Variants in SLC1A1 observed in about 807,000 individuals in gnomAD.
SLC1A1 encodes excitatory amino acid transporter 3.
A neutral mutation model predicts 53.3 loss-of-function variants in SLC1A1; 43 were observed. That is an observed-to-expected ratio of 0.81 (90% CI 0.63 to 1.04). The LOEUF (loss-of-function observed/expected upper bound fraction) is 1.04. Among genes scored for constraint, SLC1A1 ranks in the 50% least tolerant of loss-of-function variants. SLC1A1 has a pLI of 0.00. For missense variants in SLC1A1, 748 were observed against 664.9 expected, an observed-to-expected ratio of 1.12 and a Z score of -1.37; for synonymous variants, 307 against 243.2, an observed-to-expected ratio of 1.26 and a Z score of -2.44.
At chr9:4,580,601 ATGTGTGTGTGTGTGTGTGTG>A (rs71326118) in intron 10 of SLC1A1, among the ~76,000 whole-genome samples, 2 of 69,692 alleles carry the variant, frequency 2.9e-5, no homozygotes, top group Middle Eastern at 8.2e-3. Flanking sequence ...AAAAATATAT[ATGTGTGTGTGTGTGTGTGTG>A]TGTGTGTGTG....
rs1820203209 is a variant in SLC1A1 at position 4,490,753 on chromosome 9, T to A, written c.74T>A (p.Val25Glu). Reference protein sequence around the residue: ...LKNNWVLLSTVAAVVLGITTG... With the variant: ...LKNNWVLLSTEAAVVLGITTG... ...AATAACTGGGTGTTGCTGTCCACCG[T>A]GGCCGCGGTGGTGCTAGGTGAGCGG... The change falls in exon 1 of 12, where the codon GTG becomes GAG. Residue 25 changes from valine to glutamate, a missense_variant. Transcript: ENST00000262352. 6.2e-7 allele frequency: 1 copy of A among 1,612,060 alleles called. No individual in the cohort carries two copies. The highest frequency in any genetic ancestry group is 1.7e-5 in the Admixed American group (1 of 59,930).
Position 4,551,982 on chromosome 9 carries a change from A to T in SLC1A1, c.232+7275A>T, listed in dbSNP as rs908408077. ...TGCAAGTAATAAAATGAATAGTGGCAAGAGATAAATATGCCCTGCTTTAGT... is the reference window on the plus strand; with the variant it reads ...TGCAAGTAATAAAATGAATAGTGGCTAGAGATAAATATGCCCTGCTTTAGT... On this transcript the variant is annotated intron_variant, in intron 2 of 11. Coordinates refer to ENST00000262352, the MANE Select transcript of SLC1A1 (RefSeq NM_004170.6). Among the ~76,000 whole-genome samples the T allele has an allele frequency of 3.3e-5, 5 of 152,250 alleles. No homozygotes were observed. The East Asian group carries it at 9.6e-4, about 29-fold the overall frequency.
At chr9:4,544,992 T>G (rs1817349316) in intron 2 of SLC1A1, among the ~76,000 whole-genome samples, 1 of 152,158 alleles carries the variant, frequency 6.6e-6, no homozygotes, top group Non-Finnish European at 1.5e-5. Context: ...GAGAACAGCA[T>G]GGGAGAAACT....
rs1343228221 is a variant in SLC1A1 at position 4,549,960 on chromosome 9, C to G, written c.232+5253C>G. Among the ~76,000 whole-genome samples, 1 of 152,134 alleles carries G rather than the reference C, an allele frequency of 6.6e-6. No homozygotes were observed. The highest frequency in any genetic ancestry group is 2.4e-5 in the African/African-American group (1 of 41,428). ...GCTCTGGATTTCCTAAAAACGCCTG[C>G]TCAAACAAGGGCACACACAGCTCCT... On this transcript the variant is annotated intron_variant, in intron 2 of 11. Coordinates refer to ENST00000262352, the MANE Select transcript of SLC1A1 (RefSeq NM_004170.6). The surrounding 1 kb of genome is among the most constrained non-coding windows in gnomAD (Gnocchi z 4.1).
intron 2 of SLC1A1, among the ~76,000 whole-genome samples, chr9:4,557,123 G>A (rs1818470601): frequency 6.6e-6 from 1 of 152,200 alleles, no homozygotes; most frequent in South Asian, 2.1e-4. Flanking sequence ...GGGGTCATTT[G>A]TAAGCAGACG....
intron 1 of SLC1A1, among the ~76,000 whole-genome samples, chr9:4,519,189 G>A (rs1327203027): frequency 6.6e-6 from 1 of 152,162 alleles, no homozygotes; most frequent in Non-Finnish European, 1.5e-5. Flanking sequence ...TGTGTCTTTA[G>A]GCCTCTAAAT....
At chr9:4,557,191 C>T (rs181378635) in intron 2 of SLC1A1, among the ~76,000 whole-genome samples, 15 of 152,264 alleles carry the variant, frequency 9.9e-5, no homozygotes, top group Admixed American at 6.5e-4. Context: ...TACAAACATT[C>T]GTAGAGCACC....
At position 4,564,437 on chromosome 9, in the gene SLC1A1, A is replaced by T. The variant is rs1202566843; in HGVS notation, c.419A>T (p.Asp140Val). The change falls in exon 4 of 12, where the codon GAT (aspartate) becomes GTT (valine). Residue 140 changes from aspartate to valine, a missense_variant. Physicochemically the swap from Asp to Val is radical, Grantham distance 152 (BLOSUM62 -3). Transcript: ENST00000262352. ...AGCACCCCTGAAGTCAGTACGGTGG[A>T]TGCCATGTTAGATCTCATCAGGTGA... ...TGSTPEVSTV[D>V]AMLDLIRNMF... The T allele has an allele frequency of 6.2e-7, 1 of 1,611,722 alleles. No individual in the cohort carries two copies. The highest frequency in any genetic ancestry group is 1.7e-5 in the Admixed American group (1 of 59,912).
At chr9:4,536,817 G>T (rs1412989358) in intron 1 of SLC1A1, among the ~76,000 whole-genome samples, 1 of 151,908 alleles carries the variant, frequency 6.6e-6, no homozygotes, top group Non-Finnish European at 1.5e-5. Flanking sequence ...TGATAGACTG[G>T]ATTAAGAAAA....
chr9:4,573,780 A>G (rs1345641950), intron 7 of SLC1A1, 127 bp from the exon 8 acceptor site: 1 of 766,546 alleles, frequency 1.3e-6, no homozygotes, highest in Non-Finnish European at 2.4e-6. Context: ...TTCAATTCCC[A>G]TCCTGTGCTC....
At chr9:4,568,230 C>T (rs751016564) in intron 6 of SLC1A1, among the ~76,000 whole-genome samples, 2 of 151,856 alleles carry the variant, frequency 1.3e-5, no homozygotes, top group South Asian at 4.2e-4. Context: ...GACCAGTCTG[C>T]GCAACATAGT....
chr9:4,517,215 G>A (rs1284558010), intron 1 of SLC1A1, among the ~76,000 whole-genome samples: 11 of 151,990 alleles, frequency 7.2e-5, no homozygotes, highest in Admixed American at 6.6e-4. Context: ...AATAGTCCCC[G>A]CCTAGTGAAT....
chr9:4,542,695 T>TA (rs1320598992), intron 1 of SLC1A1, among the ~76,000 whole-genome samples: 2 of 152,202 alleles, frequency 1.3e-5, no homozygotes, highest in African/African-American at 4.8e-5. Flanking sequence ...ATAATATAGG[T>TA]ATGTTCATAT....
intron 6 of SLC1A1, 42 bp downstream of exon 6, chr9:4,567,809 C>T: frequency 3.3e-6 from 4 of 1,203,694 alleles, no homozygotes; most frequent in Non-Finnish European, 4.9e-6. Context: ...AGGAGACAGG[C>T]ACTGAGTCAT....
rs550585880 is a variant in SLC1A1, at chr9:4,583,613, G to A, written c.1328+441G>A. ...CACAAGCACTTGGGTTTGAATCTCCGTCCTGTGTCTTACCAGCTTCTTGAC... is the reference window on the plus strand; with the variant it reads ...CACAAGCACTTGGGTTTGAATCTCCATCCTGTGTCTTACCAGCTTCTTGAC... On this transcript the variant is annotated intron_variant, in intron 11 of 11. Transcript: ENST00000262352. The surrounding 1 kb of genome is among the most constrained non-coding windows in gnomAD (Gnocchi z 4.6). 7.9e-5 allele frequency among the ~76,000 whole-genome samples: 12 copies of A among 152,208 alleles called. No homozygotes were observed. In the East Asian group the frequency reaches 1.9e-3, roughly 24 times the overall value.
chr9:4,544,272 T>C (rs954638419), intron 1 of SLC1A1, among the ~76,000 whole-genome samples: 2 of 152,212 alleles, frequency 1.3e-5, no homozygotes, highest in African/African-American at 4.8e-5. Context: ...GATGATTTTT[T>C]TTCTCACAGT....
intron 1 of SLC1A1, among the ~76,000 whole-genome samples, chr9:4,513,575 C>T (rs982395137): frequency 6.6e-6 from 1 of 152,118 alleles, no homozygotes; most frequent in African/African-American, 2.4e-5. Flanking sequence ...TGTGGAGCAA[C>T]TGGTACTATT....
At position 4,544,604 on chromosome 9, in the gene SLC1A1, C is replaced by G. The variant is rs747201802; in HGVS notation, c.129C>G (p.Asn43Lys). The change falls in exon 2 of 12, where the codon AAC (asparagine) becomes AAG (lysine). Residue 43 changes from asparagine to lysine, a missense_variant. Asn to Lys is a moderately conservative substitution (Grantham distance 94). Coordinates refer to ENST00000262352, the MANE Select transcript of SLC1A1 (RefSeq NM_004170.6). The part of the protein sequence containing the change: ...TTGVLVREHS[N>K]LSTLEKFYFA... Reference sequence around the variant, plus strand: ...GAGTCTTGGTTCGAGAACACAGCAACCTCTCAACTCTAGAGAAATTCTACT... The same window carrying G: ...GAGTCTTGGTTCGAGAACACAGCAAGCTCTCAACTCTAGAGAAATTCTACT... 6.4e-5 allele frequency: 104 copies of G among 1,613,504 alleles called. No homozygotes were observed. Among genetic ancestry groups the G allele is most frequent in the Non-Finnish European group, 8.5e-5 (100 of 1,179,558 alleles).
intron 1 of SLC1A1, among the ~76,000 whole-genome samples, chr9:4,523,352 C>CTT (rs554001010): frequency 6.1e-5 from 9 of 148,276 alleles, no homozygotes; most frequent in East Asian, 2.0e-4. Flanking sequence ...AATGCCTTTT[C>CTT]TTTTTTTTTT....
Sources: gnomAD v4.1 joint callset for allele counts (sites outside exome capture counted in the v4.1 genomes callset) on GRCh38, gnomAD v4.1.1 for gene constraint, Gnocchi (gnomAD v3.1) non-coding constraint, MANE v1.5 for transcripts, NCBI Gene and HGNC (gene_info 2026-07-23, HGNC 2026-07-21) for gene names.